The following CDH12 variants were observed in gnomAD, a reference collection of about 807,000 sequenced individuals.
The protein encoded by CDH12 is cadherin-12.
In CDH12, 41 loss-of-function variants were observed where a neutral mutation model predicts 74.1. The ratio of observed to expected loss-of-function variants is 0.55; its 90% CI spans 0.43 to 0.72. The LOEUF is 0.72. Among genes scored for constraint, CDH12 ranks in the 30% least tolerant of loss-of-function variants. The pLI is 0.00. For synonymous variants in CDH12, 399 were observed against 355.0 expected (o/e 1.12, Z -1.39); for missense variants, 945 against 977.2 (o/e 0.97, Z 0.44).
At chr5:22,283,890 T>C (rs924139568) in intron 3 of CDH12, among the ~76,000 whole-genome samples, 2 of 152,126 alleles carry the variant, frequency 1.3e-5, no homozygotes, top group African/African-American at 2.4e-5. Flanking sequence ...ATACCTTCAA[T>C]TTTAATAGAT....
rs70959715 is a variant in CDH12, at chr5:22,315,119, CTTTTTTT to C, written c.-333+90131_-333+90137del. Among the ~76,000 whole-genome samples the C allele has an allele frequency of 4.8e-4, 11 of 22,990 alleles. 2 individuals carry two copies. The highest frequency in any genetic ancestry group is 6.6e-4 in the African/African-American group (3 of 4,518). The allele number at this position is 22,990 out of a possible 152,430, so 15.1% of individuals were successfully genotyped here. ...GGCGCCTGCCACCGTGCCTGCCTGG[CTTTTTTT>C]TTTTTTTTTTTTTTTTTAGTAGAGA... On this transcript the variant is annotated intron_variant, in intron 3 of 14. Transcript: ENST00000382254.
At chr5:22,399,420 T>A (rs1475192692) in intron 3 of CDH12, among the ~76,000 whole-genome samples, 1 of 152,118 alleles carries the variant, frequency 6.6e-6, no homozygotes, top group Non-Finnish European at 1.5e-5. Flanking sequence ...AAACCTAGCC[T>A]GAAACTCTTC....
At chr5:22,014,366 CACTG>C (rs1254445118) in intron 5 of CDH12, among the ~76,000 whole-genome samples, 1 of 152,080 alleles carries the variant, frequency 6.6e-6, no homozygotes, top group Non-Finnish European at 1.5e-5. Flanking sequence ...AGTACATGTT[CACTG>C]ACATATATGG....
chr5:21,878,185 T>G (rs1204745327), intron 6 of CDH12, among the ~76,000 whole-genome samples: 1 of 152,200 alleles, frequency 6.6e-6, no homozygotes, highest in Non-Finnish European at 1.5e-5. Flanking sequence ...AAGGTTTTGT[T>G]TCTCCTGTGT....
intron 11 of CDH12, among the ~76,000 whole-genome samples, chr5:21,772,884 T>A (rs1252494630): frequency 6.6e-6 from 1 of 152,140 alleles, no homozygotes; most frequent in Admixed American, 6.6e-5. Flanking sequence ...AAGAAAAATA[T>A]AAGCCTGGCA....
At chr5:22,196,561 T>C (rs1179808992) in intron 4 of CDH12, among the ~76,000 whole-genome samples, 1 of 152,222 alleles carries the variant, frequency 6.6e-6, no homozygotes, top group African/African-American at 2.4e-5. Context: ...AGAAACTGCC[T>C]ACGCTGAGTT....
chr5:22,379,701 T>C (rs1741679125), intron 3 of CDH12, among the ~76,000 whole-genome samples: 3 of 152,136 alleles, frequency 2.0e-5, no homozygotes, highest in Admixed American at 6.6e-5. Context: ...TGGCCAAATA[T>C]GTTTGAAAGG....
At chr5:22,016,127 T>A (rs570637011) in intron 5 of CDH12, among the ~76,000 whole-genome samples, 3 of 152,190 alleles carry the variant, frequency 2.0e-5, no homozygotes, top group Non-Finnish European at 4.4e-5. Context: ...AAATTGCCAT[T>A]CACTGATATT....
chr5:22,793,933 T>A (rs569292475), intron 1 of CDH12, among the ~76,000 whole-genome samples: 58 of 152,322 alleles, frequency 3.8e-4, no homozygotes, highest in African/African-American at 1.4e-3. Flanking sequence ...GCAATCTGCA[T>A]GTCCTATAAG....
intron 1 of CDH12, among the ~76,000 whole-genome samples, chr5:22,785,474 C>T (rs948269266): frequency 2.0e-5 from 3 of 151,734 alleles, no homozygotes; most frequent in African/African-American, 7.3e-5. Context: ...TAATTCTTAC[C>T]CAATTATTAC....
At chr5:22,737,670 G>A (rs1381075146) in intron 1 of CDH12, among the ~76,000 whole-genome samples, 1 of 151,938 alleles carries the variant, frequency 6.6e-6, no homozygotes, top group Non-Finnish European at 1.5e-5. Context: ...ACAAACTTAT[G>A]ACATTTTAAG....
intron 10 of CDH12, among the ~76,000 whole-genome samples, chr5:21,799,471 T>G (rs1429335448): frequency 6.6e-6 from 1 of 152,136 alleles, no homozygotes; most frequent in Non-Finnish European, 1.5e-5. Flanking sequence ...TAAGGGTTGA[T>G]AGATTGATTA....
At chr5:21,988,838 A>AT (rs1757629229) in intron 5 of CDH12, among the ~76,000 whole-genome samples, 1 of 152,100 alleles carries the variant, frequency 6.6e-6, no homozygotes. Flanking sequence ...AAGCTTTTGG[A>AT]TTTTTTAACA....
intron 3 of CDH12, among the ~76,000 whole-genome samples, chr5:22,254,301 G>A (rs937052631): frequency 6.6e-6 from 1 of 151,578 alleles, no homozygotes; most frequent in African/African-American, 2.4e-5. Flanking sequence ...ATATTAAGTG[G>A]GGGATAAGAA....
At chr5:22,732,125 A>C (rs1039124229) in intron 1 of CDH12, among the ~76,000 whole-genome samples, 6 of 151,768 alleles carry the variant, frequency 4.0e-5, no homozygotes, top group Non-Finnish European at 8.8e-5. Flanking sequence ...AATTCTGGAG[A>C]CTAGAAGTCT....
intron 2 of CDH12, among the ~76,000 whole-genome samples, chr5:22,476,594 C>T (rs183860661): frequency 8.2e-4 from 124 of 151,970 alleles, no homozygotes; most frequent in Admixed American, 1.6e-3. Flanking sequence ...ATAGTATTGT[C>T]GTAAATTATT....
intron 3 of CDH12, among the ~76,000 whole-genome samples, chr5:22,334,549 G>C (rs1739492616): frequency 6.6e-6 from 1 of 151,956 alleles, no homozygotes; most frequent in Non-Finnish European, 1.5e-5. Flanking sequence ...AGTAACCAAA[G>C]CATCCTGAAC....
chr5:22,317,261 T>C (rs1256845462), intron 3 of CDH12, among the ~76,000 whole-genome samples: 3 of 152,034 alleles, frequency 2.0e-5, no homozygotes, highest in Admixed American at 6.6e-5. Flanking sequence ...GAGATTGCAG[T>C]GGGCCAAGAT....
chr5:22,059,206 C>A (rs1051608304), intron 5 of CDH12, among the ~76,000 whole-genome samples: 7 of 152,046 alleles, frequency 4.6e-5, no homozygotes, highest in Non-Finnish European at 7.4e-5. Flanking sequence ...GTGTTTTCAA[C>A]CACTTCGTAT....
Sources: allele counts gnomAD v4.1 joint callset (sites outside exome capture counted in the v4.1 genomes callset), GRCh38; gene constraint gnomAD v4.1.1; transcripts MANE v1.5; gene names NCBI Gene and HGNC (gene_info 2026-07-23, HGNC 2026-07-21).